The following POU2F2 variants were observed in gnomAD, a reference collection of about 807,000 sequenced individuals.
POU2F2 encodes POU class 2 homeobox 2.
A neutral mutation model predicts 63.5 loss-of-function variants in POU2F2; 14 were observed. The observed-to-expected ratio is 0.22, with a 90% confidence interval of 0.15 to 0.34. POU2F2 has a LOEUF of 0.34. Ranked by LOEUF, POU2F2 falls within the 10% of genes least tolerant of loss-of-function variation. POU2F2 has a pLI of 1.00. For synonymous variants in POU2F2, 306 were observed against 348.6 expected (o/e 0.88, Z 1.36); for missense variants, 607 against 815.2 (o/e 0.74, Z 3.11).
intron 1 of POU2F2, among the ~76,000 whole-genome samples, chr19:42,191,268 G>T (rs1046212426): frequency 1.3e-5 from 2 of 152,106 alleles, no homozygotes; most frequent in Admixed American, 6.5e-5. Context: ...GGGCATCAGA[G>T]AACAGAAAAA....
At chr19:42,183,970 A>T (rs1382138798) in intron 1 of POU2F2, among the ~76,000 whole-genome samples, 1 of 151,734 alleles carries the variant, frequency 6.6e-6, no homozygotes, top group Non-Finnish European at 1.5e-5. Context: ...CCCAGAGAGA[A>T]GGAAACTATG....
chr19:42,091,422 G>A lies in POU2F2; in HGVS notation c.1710C>T (p.Val570=), dbSNP rs1462830432. The A allele has an allele frequency of 6.5e-7, 1 of 1,549,646 alleles. No homozygotes were observed. The highest frequency in any genetic ancestry group is 1.2e-5 in the South Asian group (1 of 84,046). ...CTGCCACAGCCGCAGCCGCTGCTGA[G>A]ACCAGGCCCACACCAGGCGGGGTGC... ...LLSTPPGVGL[V]SAAAAAVAAS... Residue 570 remains valine, a synonymous_variant, in exon 15 of 15, where the codon GTC becomes GTT. Transcript: ENST00000692977.
At chr19:42,189,467 C>G (rs780293049) in intron 1 of POU2F2, among the ~76,000 whole-genome samples, 5 of 152,190 alleles carry the variant, frequency 3.3e-5, no homozygotes, top group Non-Finnish European at 7.3e-5. Flanking sequence ...TACTTCAATC[C>G]CTGCTACTGC....
chr19:42,139,951 G>C (rs2146754010), intron 2 of POU2F2, among the ~76,000 whole-genome samples: 1 of 152,324 alleles, frequency 6.6e-6, no homozygotes, highest in South Asian at 2.1e-4. Context: ...AGGAAGCTGA[G>C]GCCCACAGTC....
intron 12 of POU2F2, among the ~76,000 whole-genome samples, chr19:42,093,148 T>C (rs2146297773): frequency 6.6e-6 from 1 of 151,062 alleles, no homozygotes; most frequent in South Asian, 2.1e-4. Context: ...GTAGCTGGGA[T>C]TACAGACACA....
rs2076702808 is a variant in POU2F2, at chr19:42,091,283, G to A, written c.1849C>T (p.Pro617Ser). Reference sequence around the variant, plus strand: ...CACTCAGGTTTGGACCCTGCCTCGGGCCCCCCTGGACCTCCAGGGGTCTGT... The same window carrying A: ...CACTCAGGTTTGGACCCTGCCTCGGACCCCCCTGGACCTCCAGGGGTCTGT... Reference protein sequence around the residue: ...AAQTPGGPGGPEAGSKPE With the variant: ...AAQTPGGPGGSEAGSKPE The change falls in exon 15 of 15, where the codon CCC becomes TCC. Residue 617 changes from proline (P) to serine (S), a missense_variant. Pro to Ser is a moderately conservative substitution (Grantham distance 74). This residue lies in a region of POU2F2 where 270 missense variants were observed against 307.5 expected (regional missense o/e 0.88). Coordinates refer to ENST00000692977, the MANE Select transcript of POU2F2 (RefSeq NM_001394376.1). 6.5e-7 allele frequency: 1 copy of A among 1,532,596 alleles called. No homozygotes were observed. Among genetic ancestry groups the A allele is most frequent in the Admixed American group, 2.0e-5 (1 of 50,886 alleles). 94.9% of individuals were successfully genotyped at this position (1,532,596 alleles called of 1,614,324 possible). A position where few individuals can be genotyped will look rare whatever the true frequency, so the allele number is the denominator to read the frequency against.
chr19:42,170,339 C>T (rs1423671893), intron 1 of POU2F2, among the ~76,000 whole-genome samples: 10 of 151,524 alleles, frequency 6.6e-5, no homozygotes, highest in South Asian at 4.2e-4. Flanking sequence ...TGCACAAAGA[C>T]GGCCTCATGG....
intron 5 of POU2F2, among the ~76,000 whole-genome samples, chr19:42,111,631 G>A (rs2031106196): frequency 1.3e-5 from 2 of 152,180 alleles, no homozygotes; most frequent in Admixed American, 6.5e-5. Context: ...AGGAAACCAC[G>A]TCATTACCAC....
chr19:42,143,726 C>T (rs1375568326), intron 2 of POU2F2, among the ~76,000 whole-genome samples: 1 of 152,164 alleles, frequency 6.6e-6, no homozygotes, highest in Non-Finnish European at 1.5e-5. Context: ...TCCACGCCCG[C>T]GCTTCTTCTT....
At chr19:42,093,948 G>A (rs371655346) in intron 11 of POU2F2, 53 bp from the exon 12 acceptor site, 12 of 1,522,602 alleles carry the variant, frequency 7.9e-6, no homozygotes, top group African/African-American at 1.4e-5. Flanking sequence ...AGCAGCCCCC[G>A]TGATGCTCCC....
chr19:42,095,690 G>A lies in POU2F2; in HGVS notation c.875C>T (p.Thr292Ile), dbSNP rs373127616. The A allele has an allele frequency of 3.1e-6, 5 of 1,611,776 alleles. No individual in the cohort carries two copies. Among genetic ancestry groups the A allele is most frequent in the Non-Finnish European group, 4.2e-6 (5 of 1,179,814 alleles). ...LLEKWLNDAE[T>I]MSVDSSLPSP... ...GGGCAGGCTTGAGTCCACAGACATA[G>A]TCTCTGTGCGCCGGGGGAGACGTGA... is the stretch of plus-strand genomic sequence containing the variant. The change falls in exon 10 of 15, where the codon ACT (threonine) becomes ATT (isoleucine). Residue 292 changes from threonine to isoleucine, a missense_variant. Thr to Ile is a moderately conservative substitution (Grantham distance 89). Transcript: ENST00000692977. This position sits in a 1 kb window ranked among gnomAD's most constrained non-coding sequence, Gnocchi z 7.1.
At chr19:42,167,138 A>G (rs577048577) in intron 1 of POU2F2, among the ~76,000 whole-genome samples, 1 of 152,322 alleles carries the variant, frequency 6.6e-6, no homozygotes, top group Admixed American at 6.5e-5. Flanking sequence ...AGGAAAATAA[A>G]GCAGGGAGAA....
intron 1 of POU2F2, among the ~76,000 whole-genome samples, chr19:42,173,980 C>A (rs1031308486): frequency 1.1e-4 from 16 of 152,278 alleles, no homozygotes; most frequent in Admixed American, 5.9e-4. Context: ...TGACATGGGA[C>A]GCTTTGTTAC....
At chr19:42,098,425 A>C (rs539753100) in intron 7 of POU2F2, among the ~76,000 whole-genome samples, 18 of 152,012 alleles carry the variant, frequency 1.2e-4, no homozygotes, top group African/African-American at 2.7e-4. Context: ...AAAAAAAAAA[A>C]AAAACAAAAA....
upstream of POU2F2, among the ~76,000 whole-genome samples, chr19:42,179,883 G>T (rs919678068): frequency 6.6e-6 from 1 of 152,116 alleles, no homozygotes; most frequent in African/African-American, 2.4e-5. Flanking sequence ...CGCACTGTGT[G>T]CGCAACACAA....
chr19:42,138,655 G>C (rs2034066628), intron 2 of POU2F2, among the ~76,000 whole-genome samples: 1 of 152,110 alleles, frequency 6.6e-6, no homozygotes, highest in Non-Finnish European at 1.5e-5. Context: ...AAGGCGGCAG[G>C]GGAGAAAGGA....
upstream of POU2F2, among the ~76,000 whole-genome samples, chr19:42,176,903 G>A (rs916114681): frequency 1.2e-4 from 18 of 151,554 alleles, no homozygotes; most frequent in African/African-American, 4.3e-4. Flanking sequence ...AATAGGCCGA[G>A]CCGGCTGCAT....
Position 42,155,776 on chromosome 19 carries a change from C to A in POU2F2, c.-9+4556G>T, listed in dbSNP as rs911754666. ...CTCTCTGGAGACAAAAGCTAAGACT[C>A]AACCCACAGGCAACACTCAACACAG... On this transcript the variant is annotated intron_variant, in intron 2 of 6. Transcript: ENST00000524801. The surrounding 1 kb of genome is among the most constrained non-coding windows in gnomAD (Gnocchi z 4.2). 6.6e-6 allele frequency: 1 copy of A among 152,302 alleles called. No homozygotes were observed. The highest frequency in any genetic ancestry group is 1.5e-5 in the Non-Finnish European group (1 of 68,136). The allele number at this position is 152,302 out of a possible 1,614,324, so 9.4% of individuals were successfully genotyped here.
intron 1 of POU2F2, among the ~76,000 whole-genome samples, chr19:42,165,767 G>C (rs1173564030): frequency 6.6e-6 from 1 of 152,104 alleles, no homozygotes; most frequent in Non-Finnish European, 1.5e-5. Context: ...TTAGCAAAAG[G>C]CCTTACACAC....
Sources: gnomAD v4.1 joint callset for allele counts (sites outside exome capture counted in the v4.1 genomes callset) on GRCh38, gnomAD v4.1.1 for gene constraint, gnomAD v4.1.1 regional missense constraint, Gnocchi (gnomAD v3.1) non-coding constraint, MANE v1.5 for transcripts, NCBI Gene and HGNC (gene_info 2026-07-23, HGNC 2026-07-21) for gene names.